PNKP: variants seen among roughly 807,000 people sequenced by gnomAD.
The protein encoded by PNKP is polynucleotide kinase 3'-phosphatase, also known as bifunctional polynucleotide phosphatase/kinase.
In PNKP, 82 loss-of-function variants were observed where a neutral mutation model predicts 66.2. That is an observed-to-expected ratio of 1.24 (90% confidence interval 1.04 to 1.49). PNKP has a LOEUF of 1.49. PNKP is among the 40% of genes most tolerant of loss of function. The pLI is 0.00. For synonymous variants in PNKP, 412 were observed against 298.9 expected, an observed-to-expected ratio of 1.38 and a Z score of -3.90; for missense variants, 907 against 706.8, an observed-to-expected ratio of 1.28 and a Z score of -3.21.
At chr19:49,863,833 T>G in intron 7 of PNKP, 73 bp from the exon 8 acceptor site, 4 of 1,436,862 alleles carry the variant, frequency 2.8e-6, no homozygotes, top group Non-Finnish European at 3.8e-6. Context: ...AGCCCAGAAT[T>G]TGTAGCTGAT....
intron 8 of PNKP, among the ~76,000 whole-genome samples, chr19:49,863,165 C>T (rs1329635371): frequency 6.6e-6 from 1 of 152,242 alleles, no homozygotes; most frequent in East Asian, 1.9e-4. Flanking sequence ...GCCTCAGGGC[C>T]TTTGCACTTG....
chr19:49,861,779 G>T lies in PNKP; in HGVS notation c.1291C>A (p.Arg431Ser). The T allele has an allele frequency of 6.4e-7, 1 of 1,563,740 alleles. No individual in the cohort carries two copies. The highest frequency in any genetic ancestry group is 8.6e-7 in the Non-Finnish European group (1 of 1,156,900). Reference protein sequence around the residue: ...IDNTNPDAASRARYVQCARAA... With the variant: ...IDNTNPDAASSARYVQCARAA... ...GCCCCGCGGTCACGCTACCTGGCGC[G>T]GCTCGCGGCGTCTGGGTTTGTGTTG... Residue 431 changes from arginine to serine, a missense_variant, in exon 14 of 17, where the codon CGC becomes AGC. Physicochemically the swap from Arg to Ser is moderately radical, Grantham distance 110. Coordinates refer to ENST00000322344, the MANE Select transcript of PNKP (RefSeq NM_007254.4).
Position 49,862,178 on chromosome 19 carries a change from CACTT to C in PNKP, c.1126+3_1126+6del. 1 of 1,613,836 alleles carries C rather than the reference CACTT, an allele frequency of 6.2e-7. No individual in the cohort carries two copies. The highest frequency in any genetic ancestry group is 1.1e-5 in the South Asian group (1 of 91,032). On this transcript the variant is annotated splice_donor_5th_base_variant and intron_variant, in intron 12 of 16. Coordinates refer to ENST00000322344, the MANE Select transcript of PNKP (RefSeq NM_007254.4). ...TCAGGGCACGCGCACAGGAACAGGA[CACTT>C]ACCCCCAGGGAATCCCACTGCGACA...
rs2074809616 is a variant in PNKP, at chr19:49,865,237, T to C, written c.388A>G (p.Lys130Glu). The C allele has an allele frequency of 6.2e-7, 1 of 1,614,030 alleles. No homozygotes were observed. The highest frequency in any genetic ancestry group is 1.3e-5 in the African/African-American group (1 of 74,920). The change falls in exon 4 of 17, where the codon AAG (lysine) becomes GAG (glutamate). Residue 130 changes from lysine to glutamate, a missense_variant. Transcript: ENST00000322344. ...TTCTTCGGCAGCTCAGCATCTCTCT[T>C]CTCATCTTGGGACACCAGAGGGGTG... The part of the protein sequence containing the change: ...PGTPLVSQDE[K>E]RDAELPKKRM...
chr19:49,866,842 T>C (rs895320169), intron 2 of PNKP: 1 of 622,420 alleles, frequency 1.6e-6, no homozygotes, highest in Non-Finnish European at 2.9e-6. Flanking sequence ...GCAGTGAACA[T>C]CCTCCCTAAA....
chr19:49,861,419 G>A, intron 16 of PNKP, 30 bp downstream of exon 16: 1 of 1,613,976 alleles, frequency 6.2e-7, no homozygotes, highest in African/African-American at 1.3e-5. Context: ...CCCAGCCAGT[G>A]CCCCTGCCCC....
chr19:49,862,009 A>C, intron 13 of PNKP, 35 bp downstream of exon 13: 1 of 1,612,182 alleles, frequency 6.2e-7, no homozygotes, highest in Admixed American at 1.7e-5. Context: ...TGGGAACTTT[A>C]TAATAGATTT....
Position 49,863,632 on chromosome 19 carries a change from GGAGT to G in PNKP, c.816+53_816+56del, listed in dbSNP as rs2074796478. Reference sequence around the variant, plus strand: ...CCCCAACCGGAGGCCGGGGAGCCCAGGAGTGAGGGGCTGGAGTGAGGAAAAGGAG... The same window carrying G: ...CCCCAACCGGAGGCCGGGGAGCCCAGGAGGGGCTGGAGTGAGGAAAAGGAG... On this transcript the variant is annotated intron_variant, in intron 8 of 16. Coordinates refer to ENST00000322344, the MANE Select transcript of PNKP (RefSeq NM_007254.4). 47 of 1,344,934 alleles carry G rather than the reference GGAGT, an allele frequency of 3.5e-5. No individual in the cohort carries two copies. In the South Asian group the frequency reaches 4.1e-4, roughly 12 times the overall value. 83.3% of individuals were successfully genotyped at this position (1,344,934 alleles called of 1,614,324 possible). A position where few individuals can be genotyped will look rare whatever the true frequency, so the allele number is the denominator to read the frequency against.
Position 49,861,814 on chromosome 19 carries a change from A to ACC in PNKP, c.1254_1255dup (p.Val419GlyfsTer49). ...GTCTGGGTTTGTGTTGTCGATGGCG[A>ACC]CCCGTTTCCCTTGCTTCAGGGCTGT... On this transcript the variant is annotated frameshift_variant, in exon 14 of 17. Coordinates refer to ENST00000322344, the MANE Select transcript of PNKP (RefSeq NM_007254.4). LOFTEE classifies it high-confidence loss of function. The ACC allele has an allele frequency of 6.3e-7, 1 of 1,583,378 alleles. No individual in the cohort carries two copies. Among genetic ancestry groups the ACC allele is most frequent in the Non-Finnish European group, 8.6e-7 (1 of 1,168,400 alleles).
intron 1 of PNKP, 122 bp from the exon 2 acceptor site, chr19:49,867,339 C>CGGAAGGCGAGCGGG: frequency 9.4e-7 from 1 of 1,065,452 alleles, no homozygotes; most frequent in Non-Finnish European, 1.3e-6. Context: ...GTCCCACCCG[C>CGGAAGGCGAGCGGG]TCGCCTTCCG....
intron 4 of PNKP, 120 bp from the exon 5 acceptor site, chr19:49,864,523 G>C: frequency 1.3e-6 from 1 of 798,436 alleles, no homozygotes; most frequent in Non-Finnish European, 2.2e-6. Flanking sequence ...TCACAGATGG[G>C]GAAACCGAGT....
At chr19:49,865,670 G>GT (rs2074814596) in intron 3 of PNKP, 2 of 526,582 alleles carry the variant, frequency 3.8e-6, no homozygotes, top group Non-Finnish European at 6.7e-6. Context: ...CTGGAGTGCA[G>GT]TGGTGCAATC....
In PNKP at chr19:49,867,529, C is replaced by T. The variant is rs886054584; in HGVS notation, c.-74G>A. On this transcript the variant is annotated 5_prime_UTR_variant, in exon 1 of 17. Coordinates refer to ENST00000322344, the MANE Select transcript of PNKP (RefSeq NM_007254.4). Reference sequence around the variant, plus strand: ...CCAGGGAGGTCCTGCCCGAGGTGCCCCGCCTGCAACCCGGCCGGCGGCGGT... The same window carrying T: ...CCAGGGAGGTCCTGCCCGAGGTGCCTCGCCTGCAACCCGGCCGGCGGCGGT... 2.6e-4 allele frequency: 87 copies of T among 330,600 alleles called. No homozygotes were observed. The Middle Eastern group carries it at 4.3e-3, about 16-fold the overall frequency. 20.5% of individuals were successfully genotyped at this position (330,600 alleles called of 1,614,324 possible). A position where few individuals can be genotyped will look rare whatever the true frequency, so the allele number is the denominator to read the frequency against.
chr19:49,863,218 C>T (rs961788779), intron 8 of PNKP, among the ~76,000 whole-genome samples: 2 of 152,148 alleles, frequency 1.3e-5, no homozygotes, highest in Non-Finnish European at 2.9e-5. Flanking sequence ...CCCAGGTGTC[C>T]ACCTGGCTCC....
At chr19:49,866,866 C>T (rs1483503192) in intron 2 of PNKP, 188 bp downstream of exon 2, 4 of 667,048 alleles carry the variant, frequency 6.0e-6, no homozygotes, top group South Asian at 1.7e-5. Context: ...GCTCGATCCC[C>T]TCTCCCCCAA....
At chr19:49,865,543 A>T in intron 3 of PNKP, 117 bp from the exon 4 acceptor site, 1 of 578,044 alleles carries the variant, frequency 1.7e-6, no homozygotes, top group Non-Finnish European at 3.1e-6. Flanking sequence ...CTTAGGCCCC[A>T]CCTCTTCACT....
At chr19:49,864,825 C>T (rs1600421218) in intron 4 of PNKP, among the ~76,000 whole-genome samples, 1 of 152,156 alleles carries the variant, frequency 6.6e-6, no homozygotes, top group African/African-American at 2.4e-5. Context: ...ACATGGGACT[C>T]AGAATGTGGT....
chr19:49,863,534 C>G (rs550507507), intron 8 of PNKP, among the ~76,000 whole-genome samples, 155 bp downstream of exon 8: 1 of 152,346 alleles, frequency 6.6e-6, no homozygotes, highest in South Asian at 2.1e-4. Flanking sequence ...GCACTGGTCT[C>G]GTAAACCAAC....
At chr19:49,861,402 C>G in intron 16 of PNKP, 37 bp from the exon 17 acceptor site, 1 of 1,614,012 alleles carries the variant, frequency 6.2e-7, no homozygotes, top group Non-Finnish European at 8.5e-7. Context: ...CAGCCTGGAT[C>G]ATGTGGCCCA....
Sources: gnomAD v4.1 joint callset for allele counts (sites outside exome capture counted in the v4.1 genomes callset) on GRCh38, gnomAD v4.1.1 for gene constraint, MANE v1.5 for transcripts, NCBI Gene and HGNC (gene_info 2026-07-23, HGNC 2026-07-21) for gene names.